CNTNAP2: variants seen among roughly 807,000 people sequenced by gnomAD.
CNTNAP2 encodes contactin associated protein 2.
CNTNAP2 carries 98 observed loss-of-function variants against 155.2 expected under a neutral mutation model. The ratio of observed to expected loss-of-function variants is 0.63; its 90% CI spans 0.54 to 0.75. The LOEUF (loss-of-function observed/expected upper bound fraction) is 0.75, where lower values mean the gene tolerates loss of function less well. Ranked by LOEUF, CNTNAP2 falls within the 30% of genes least tolerant of loss-of-function variation. The pLI, the probability that CNTNAP2 is intolerant of heterozygous loss-of-function variation, is 0.00. For missense variants in CNTNAP2, 1,727 were observed against 1,688.1 expected, an observed-to-expected ratio of 1.02 and a Z score of -0.40; for synonymous variants, 651 against 631.2, an observed-to-expected ratio of 1.03 and a Z score of -0.47.
At chr7:147,187,197 G>T (rs2116513981) in intron 8 of CNTNAP2, among the ~76,000 whole-genome samples, 1 of 152,274 alleles carries the variant, frequency 6.6e-6, no homozygotes, top group Non-Finnish European at 1.5e-5. Context: ...TGGTGGTGGA[G>T]ATGGAGAGAG....
intron 3 of CNTNAP2, among the ~76,000 whole-genome samples, chr7:146,851,828 A>T (rs1425946935): frequency 6.6e-6 from 1 of 151,894 alleles, no homozygotes; most frequent in African/African-American, 2.4e-5. Context: ...CTACAGGTGC[A>T]TGTCACCATG....
chr7:147,690,589 T>C (rs1796074642), intron 13 of CNTNAP2, among the ~76,000 whole-genome samples: 1 of 152,040 alleles, frequency 6.6e-6, no homozygotes, highest in African/African-American at 2.4e-5. Context: ...AATCTTAATA[T>C]ATCATAAAGG....
At chr7:147,571,995 A>T (rs1800303980) in intron 12 of CNTNAP2, among the ~76,000 whole-genome samples, 1 of 152,106 alleles carries the variant, frequency 6.6e-6, no homozygotes, top group Admixed American at 6.5e-5. Flanking sequence ...CTTTGTAATC[A>T]CTCAGCAAGT....
chr7:147,343,262 T>G (rs2116863564), intron 9 of CNTNAP2, among the ~76,000 whole-genome samples: 1 of 152,238 alleles, frequency 6.6e-6, no homozygotes, highest in South Asian at 2.1e-4. Flanking sequence ...TAAAATATGG[T>G]TGTCCTAGCC....
intron 21 of CNTNAP2, among the ~76,000 whole-genome samples, chr7:148,282,785 A>C (rs1430173443): frequency 2.0e-5 from 3 of 152,214 alleles, no homozygotes; most frequent in Non-Finnish European, 4.4e-5. Flanking sequence ...AAATGTGATG[A>C]GAGATCAGAA....
At chr7:147,276,959 A>G (rs1445897407) in intron 8 of CNTNAP2, among the ~76,000 whole-genome samples, 1 of 151,990 alleles carries the variant, frequency 6.6e-6, no homozygotes, top group Non-Finnish European at 1.5e-5. Context: ...AGTAGTGACA[A>G]TAATGCTGTT....
intron 15 of CNTNAP2, among the ~76,000 whole-genome samples, chr7:148,011,447 C>G (rs1802079390): frequency 6.6e-6 from 1 of 152,130 alleles, no homozygotes; most frequent in Non-Finnish European, 1.5e-5. Flanking sequence ...TTACAAGTGT[C>G]TTAAGTATAT....
At chr7:147,228,885 T>G (rs1803611551) in intron 8 of CNTNAP2, among the ~76,000 whole-genome samples, 1 of 151,650 alleles carries the variant, frequency 6.6e-6, no homozygotes. Context: ...CAACTCCCAC[T>G]TATGAGTGAA....
At chr7:147,935,229 C>T (rs770397851) in intron 14 of CNTNAP2, among the ~76,000 whole-genome samples, 2 of 151,852 alleles carry the variant, frequency 1.3e-5, no homozygotes, top group African/African-American at 4.8e-5. Context: ...CGGGGTCAAG[C>T]GACTCTCCTG....
At chr7:147,166,942 G>A (rs1389018625) in intron 8 of CNTNAP2, among the ~76,000 whole-genome samples, 1 of 152,214 alleles carries the variant, frequency 6.6e-6, no homozygotes, top group East Asian at 1.9e-4. Context: ...AACAAAATCT[G>A]AAAGTAAAAT....
intron 5 of CNTNAP2, among the ~76,000 whole-genome samples, chr7:147,115,560 A>G (rs1383487524): frequency 1.3e-5 from 2 of 152,104 alleles, no homozygotes; most frequent in Non-Finnish European, 2.9e-5. Flanking sequence ...GTCTTATTTC[A>G]GAAAGTTAGG....
At chr7:146,454,420 T>A (rs1389400647) in intron 1 of CNTNAP2, among the ~76,000 whole-genome samples, 1 of 152,144 alleles carries the variant, frequency 6.6e-6, no homozygotes, top group Non-Finnish European at 1.5e-5. Context: ...TTGTTTTCAA[T>A]AATGTAATGG....
At chr7:146,891,451 T>C (rs1795774832) in intron 3 of CNTNAP2, among the ~76,000 whole-genome samples, 1 of 152,172 alleles carries the variant, frequency 6.6e-6, no homozygotes, top group Non-Finnish European at 1.5e-5. Context: ...GCACGATGTT[T>C]TACCCAGTAT....
intron 1 of CNTNAP2, among the ~76,000 whole-genome samples, chr7:146,693,209 A>G (rs547846455): frequency 1.3e-5 from 2 of 152,282 alleles, no homozygotes; most frequent in East Asian, 1.9e-4. Context: ...ATTAAGTTTA[A>G]TAAAATGGCT....
intron 10 of CNTNAP2, among the ~76,000 whole-genome samples, chr7:147,408,151 GAGTT>G (rs1268576564): frequency 1.4e-5 from 2 of 145,866 alleles, no homozygotes; most frequent in Non-Finnish European, 3.1e-5. Context: ...ATTTATGAAA[GAGTT>G]AGACATCAGA....
chr7:146,945,184 G>A (rs1218997715), intron 3 of CNTNAP2, among the ~76,000 whole-genome samples: 4 of 152,164 alleles, frequency 2.6e-5, no homozygotes, highest in Admixed American at 2.6e-4. Context: ...GTCTGTTCTT[G>A]TTATCGTCTG....
chr7:146,862,471 T>C (rs912528760), intron 3 of CNTNAP2, among the ~76,000 whole-genome samples: 1 of 152,084 alleles, frequency 6.6e-6, no homozygotes, highest in Non-Finnish European at 1.5e-5. Context: ...GTCCATCCTA[T>C]GACATCTGGG....
At chr7:146,816,295 T>G (rs748092666) in intron 2 of CNTNAP2, among the ~76,000 whole-genome samples, 4 of 152,126 alleles carry the variant, frequency 2.6e-5, no homozygotes, top group Non-Finnish European at 5.9e-5. Flanking sequence ...GAGGATAGTG[T>G]GCCTGGGATG....
chr7:148,259,125 G>A (rs1253269654), intron 20 of CNTNAP2, among the ~76,000 whole-genome samples: 1 of 126,500 alleles, frequency 7.9e-6, no homozygotes, highest in African/African-American at 3.0e-5. Flanking sequence ...GTTGCAGTGA[G>A]CCAAGATCAC....
Sources: allele counts gnomAD v4.1 joint callset (sites outside exome capture counted in the v4.1 genomes callset), GRCh38; gene constraint gnomAD v4.1.1; transcripts MANE v1.5; gene names NCBI Gene and HGNC (gene_info 2026-07-23, HGNC 2026-07-21).